ARSF: variants seen among roughly 807,000 people sequenced by gnomAD.
ARSF encodes arylsulfatase F.
Under a neutral mutation model 35.4 loss-of-function variants are expected in ARSF, and 33 were observed. That is an observed-to-expected ratio of 0.93 (90% CI 0.71 to 1.25). The LOEUF is 1.25. ARSF is among the 50% of genes most tolerant of loss of function. The probability of loss-of-function intolerance (pLI) is 0.00; values close to 1 mark genes in which losing one functional copy is unlikely to be tolerated. For missense variants in ARSF, 501 were observed against 480.2 expected, an observed-to-expected ratio of 1.04 and a Z score of -0.40; for synonymous variants, 222 against 193.1, an observed-to-expected ratio of 1.15 and a Z score of -1.24.
intron 3 of ARSF, among the ~76,000 whole-genome samples, chrX:3,072,723 T>C (rs2090114218): frequency 9.1e-6 from 1 of 109,930 alleles, no homozygotes; most frequent in African/African-American, 3.3e-5. Context: ...TTATGAAGCA[T>C]GATGATTGTA....
At chrX:3,061,386 T>C (rs1465483226) in intron 1 of ARSF, among the ~76,000 whole-genome samples, 1 of 111,406 alleles carries the variant, frequency 9.0e-6, no homozygotes, top group Non-Finnish European at 1.9e-5. Context: ...AGGAAGAAAC[T>C]GCATCAACTA....
intron 1 of ARSF, among the ~76,000 whole-genome samples, chrX:3,042,011 TGACA>T (rs2147469269): frequency 8.9e-6 from 1 of 112,302 alleles, no homozygotes; most frequent in South Asian, 3.7e-4. Flanking sequence ...TATTTACCTC[TGACA>T]GATATTATAA....
chrX:3,112,535 G>A lies in ARSF; in HGVS notation c.1752G>A (p.Arg584=). The A allele has an allele frequency of 8.5e-7, 1 of 1,180,927 alleles. No homozygotes were observed. The highest frequency in any genetic ancestry group is 2.3e-4 in the Middle Eastern group (1 of 4,278). ...CDKEEEVSQP[R]GPNEKR is the part of the protein sequence containing the mutation. ...AGGAAGAGGAAGTCTCTCAGCCTCG[G>A]GGTCCTAACGAGAAGAGATAATTAC... The change falls in exon 11 of 11, where the codon CGG becomes CGA. Residue 584 remains arginine (R), a synonymous_variant. Coordinates refer to ENST00000381127, the MANE Select transcript of ARSF (RefSeq NM_001201539.2).
chrX:3,070,960 TGTGTGTG>T (rs1376833507), intron 2 of ARSF, among the ~76,000 whole-genome samples: 1 of 95,252 alleles, frequency 1.0e-5, no homozygotes, highest in Non-Finnish European at 2.1e-5. Flanking sequence ...TGTGTGTGTG[TGTGTGTG>T]TGTGTATGAA....
At chrX:3,053,327 A>G (rs1268787539) in intron 1 of ARSF, among the ~76,000 whole-genome samples, 94 of 102,907 alleles carry the variant, frequency 9.1e-4, no homozygotes, top group African/African-American at 3.3e-3. Flanking sequence ...TGTATCCACA[A>G]CTTTTTTTTT....
intron 9 of ARSF, among the ~76,000 whole-genome samples, chrX:3,105,906 C>G (rs2090408306): frequency 8.9e-6 from 1 of 112,337 alleles, no homozygotes; most frequent in African/African-American, 3.2e-5. Context: ...GCCCAACAGC[C>G]TGTTAGGGAG....
chrX:3,099,709 TG>T (rs1317758013), intron 7 of ARSF, among the ~76,000 whole-genome samples: 24 of 112,164 alleles, frequency 2.1e-4, no homozygotes, highest in African/African-American at 7.8e-4. Flanking sequence ...AACTATTTTA[TG>T]GGAGATACTT....
chrX:3,087,799 T>G (rs1040015202), intron 6 of ARSF, among the ~76,000 whole-genome samples: 1 of 110,574 alleles, frequency 9.0e-6, no homozygotes, highest in Non-Finnish European at 1.9e-5. Flanking sequence ...GTGTCTCCTC[T>G]TCTCCTATAG....
At chrX:3,085,987 C>T (rs1311129958) in intron 6 of ARSF, among the ~76,000 whole-genome samples, 1 of 110,551 alleles carries the variant, frequency 9.0e-6, no homozygotes, top group East Asian at 2.8e-4. Flanking sequence ...CGCCATTGCA[C>T]TCCAGCCTGA....
chrX:3,080,823 T>C, intron 4 of ARSF, 68 bp from the exon 5 acceptor site: 1 of 1,172,192 alleles, frequency 8.5e-7, no homozygotes, highest in Admixed American at 2.3e-5. Flanking sequence ...GTGCAAATTT[T>C]GTAGTGACAA....
chrX:3,088,576 T>G (rs2090265461), intron 6 of ARSF, among the ~76,000 whole-genome samples: 1 of 109,912 alleles, frequency 9.1e-6, no homozygotes, highest in Non-Finnish European at 1.9e-5. Context: ...TTTTTTTTTT[T>G]TTTGAGACTG....
At chrX:3,101,538 T>C (rs1362711708) in intron 8 of ARSF, among the ~76,000 whole-genome samples, 1 of 111,474 alleles carries the variant, frequency 9.0e-6, no homozygotes, top group African/African-American at 3.3e-5. Flanking sequence ...ACTCATTCAT[T>C]CCATTTATGA....
At chrX:3,050,741 A>T (rs2089993914) in intron 1 of ARSF, among the ~76,000 whole-genome samples, 1 of 110,646 alleles carries the variant, frequency 9.0e-6, no homozygotes, top group South Asian at 3.9e-4. Flanking sequence ...GTCCACATGC[A>T]CAGTGGCCTG....
chrX:3,062,467 G>A (rs2090046048), intron 1 of ARSF, among the ~76,000 whole-genome samples: 1 of 111,552 alleles, frequency 9.0e-6, no homozygotes, highest in Non-Finnish European at 1.9e-5. Flanking sequence ...CAGAGCTGAA[G>A]GAGATAGAGA....
At chrX:3,102,727 C>T (rs1012101424) in intron 8 of ARSF, among the ~76,000 whole-genome samples, 4 of 111,506 alleles carry the variant, frequency 3.6e-5, no homozygotes, top group African/African-American at 1.3e-4. Context: ...ATCTGGCCAA[C>T]ATGGTGAAAC....
intron 1 of ARSF, among the ~76,000 whole-genome samples, chrX:3,053,071 G>T (rs1334651308): frequency 9.0e-6 from 1 of 111,266 alleles, no homozygotes; most frequent in East Asian, 2.8e-4. Context: ...GGTTTCCTGG[G>T]AACCATGCCC....
intron 1 of ARSF, among the ~76,000 whole-genome samples, chrX:3,054,152 T>C (rs1440617740): frequency 1.8e-5 from 2 of 111,650 alleles, no homozygotes; most frequent in African/African-American, 3.3e-5. Context: ...CTTTACAGTG[T>C]GTGCTGTACT....
chrX:3,092,988 C>G (rs1203737603), intron 7 of ARSF, among the ~76,000 whole-genome samples: 1 of 111,302 alleles, frequency 9.0e-6, no homozygotes, highest in Non-Finnish European at 1.9e-5. Context: ...CTGGTTAACA[C>G]TGTGAAACCC....
chrX:3,077,818 T>TATTATTATTATTATTATTA (rs1569138566), intron 4 of ARSF, among the ~76,000 whole-genome samples: 1 of 104,302 alleles, frequency 9.6e-6, no homozygotes, highest in Admixed American at 1.1e-4. Context: ...TTATTATTAT[T>TATTATTATTATTATTATTA]TTTGAAATGG....
Sources: gnomAD v4.1 joint callset for allele counts (sites outside exome capture counted in the v4.1 genomes callset) on GRCh38, gnomAD v4.1.1 for gene constraint, MANE v1.5 for transcripts, NCBI Gene and HGNC (gene_info 2026-07-23, HGNC 2026-07-21) for gene names.